Variants in GSPT1 observed in about 807,000 individuals in gnomAD.
The protein encoded by GSPT1 is eukaryotic peptide chain release factor GTP-binding subunit ERF3A.
In GSPT1, 20 loss-of-function variants were observed where a neutral mutation model predicts 72.5. The observed-to-expected ratio is 0.28, with a 90% CI of 0.19 to 0.40. GSPT1 has a LOEUF of 0.40. GSPT1 is among the 10% of genes least tolerant of loss of function. The pLI is 1.00. For synonymous variants in GSPT1, 334 were observed against 293.5 expected (o/e 1.14, Z -1.41); for missense variants, 580 against 811.9 (o/e 0.71, Z 3.47).
chr16:11,898,494 G>A (rs1367436674), intron 1 of GSPT1, among the ~76,000 whole-genome samples: 1 of 142,966 alleles, frequency 7.0e-6, no homozygotes, highest in Non-Finnish European at 1.5e-5. Flanking sequence ...TGCCCAGGCT[G>A]GAGTTGGAGT....
intron 14 of GSPT1, among the ~76,000 whole-genome samples, chr16:11,874,429 G>C (rs1241260569): frequency 7.3e-6 from 1 of 136,472 alleles, no homozygotes; most frequent in Non-Finnish European, 1.6e-5. Flanking sequence ...ATTGGGTCTT[G>C]TGGAAAACCT....
Position 11,891,189 on chromosome 16 carries a change from T to C in GSPT1, c.699-50A>G, listed in dbSNP as rs1012305420. ...AAGTAAACAATTACTCACAAATTAC[T>C]CAGTGGAATTAGGAAAACGTGAAAA... On this transcript the variant is annotated intron_variant, in intron 5 of 14. Transcript: ENST00000434724. 21 of 946,744 alleles carry C rather than the reference T, an allele frequency of 2.2e-5. No homozygotes were observed. The African/African-American group carries it at 3.5e-4, about 16-fold the overall frequency. The allele number at this position is 946,744 out of a possible 1,614,324, so 58.6% of individuals were successfully genotyped here.
intron 14 of GSPT1, among the ~76,000 whole-genome samples, chr16:11,873,952 G>A (rs1246125373): frequency 2.6e-5 from 4 of 152,226 alleles, no homozygotes; most frequent in Non-Finnish European, 5.9e-5. Context: ...TATCCACCCA[G>A]TGGAGTACTA....
rs371760334 is a variant in GSPT1, at chr16:11,896,542, T to A, written c.664+16A>T. On this transcript the variant is annotated intron_variant, in intron 4 of 14. Transcript: ENST00000434724. ...TTATGTATCCAGTAACTTTAATTGC[T>A]ATGAGAGCAGCTTACCTACGTGCCC... The A allele has an allele frequency of 2.0e-5, 29 of 1,424,424 alleles. No homozygotes were observed. The highest frequency in any genetic ancestry group is 2.8e-5 in the Non-Finnish European group (29 of 1,022,196). The allele number at this position is 1,424,424 out of a possible 1,614,324, so 88.2% of individuals were successfully genotyped here. A position where few individuals can be genotyped will look rare whatever the true frequency, so the allele number is the denominator to read the frequency against.
chr16:11,901,699 G>A (rs1015784417), intron 1 of GSPT1, among the ~76,000 whole-genome samples: 1 of 151,868 alleles, frequency 6.6e-6, no homozygotes, highest in Non-Finnish European at 1.5e-5. Context: ...AACTGAGGCA[G>A]GAGAATCGCT....
At chr16:11,889,373 C>T (rs1485327581) in intron 6 of GSPT1, among the ~76,000 whole-genome samples, 3 of 108,318 alleles carry the variant, frequency 2.8e-5, no homozygotes, top group African/African-American at 3.7e-5. Flanking sequence ...GGGAGTCTTG[C>T]TCTGGCCAGG....
chr16:11,887,828 T>A (rs891529100), intron 6 of GSPT1, 78 bp from the exon 7 acceptor site: 130 of 964,866 alleles, frequency 1.3e-4, no homozygotes, highest in Middle Eastern at 2.2e-4. Context: ...ATTAAAGATA[T>A]AATGGATGAC....
In GSPT1 at chr16:11,915,109, G is replaced by C. The variant is rs1168146678; in HGVS notation, c.352+260C>G. On this transcript the variant is annotated intron_variant, in intron 1 of 14. Coordinates refer to ENST00000434724, the MANE Select transcript of GSPT1 (RefSeq NM_002094.4). ...TGGGTAACTGCGGACTCCAGAGCAG[G>C]GCAGGGGCGCGGAGGGGCGGCACTC... The C allele has an allele frequency of 2.5e-5, 29 of 1,156,368 alleles. No homozygotes were observed. The Admixed American group carries it at 3.0e-4, about 12-fold the overall frequency. The allele number at this position is 1,156,368 out of a possible 1,614,324, so 71.6% of individuals were successfully genotyped here.
At position 11,873,167 on chromosome 16, in the gene GSPT1, C is replaced by T. The variant is rs1373723409; in HGVS notation, c.1866G>A (p.Lys622=). The stretch of plus-strand genomic sequence containing the variant: ...TCAGAACTTTTCCAATTGCAATGGT[C>T]TTACCTAGAAATGAAATTTTAAAAA... ...MGRFTLRDEG[K]TIAIGKVLKL... The change falls in exon 15 of 15, where the codon AAG becomes AAA. Residue 622 remains lysine, a synonymous_variant. Transcript: ENST00000434724. The T allele has an allele frequency of 6.4e-7, 1 of 1,558,406 alleles. No homozygotes were observed. Among genetic ancestry groups the T allele is most frequent in the South Asian group, 1.1e-5 (1 of 89,658 alleles).
chr16:11,891,112 C>A lies in GSPT1; in HGVS notation c.726G>T (p.Arg242Ser). Reference protein sequence around the residue: ...IMYLTGMVDKRTLEKYEREAK... With the variant: ...IMYLTGMVDKSTLEKYEREAK... ...CTTCTCTTTCATACTTTTCAAGCGT[C>A]CTTTTGTCAACCATTCCAGTCAAAT... The change falls in exon 6 of 15, where the codon AGG becomes AGT. Residue 242 changes from arginine (R) to serine (S), a missense_variant. Coordinates refer to ENST00000434724, the MANE Select transcript of GSPT1 (RefSeq NM_002094.4). The A allele has an allele frequency of 6.7e-7, 1 of 1,502,952 alleles. No individual in the cohort carries two copies. The highest frequency in any genetic ancestry group is 2.5e-5 in the East Asian group (1 of 40,060). The allele number at this position is 1,502,952 out of a possible 1,614,324, so 93.1% of individuals were successfully genotyped here.
At chr16:11,896,516 T>A (rs1005602913) in intron 4 of GSPT1, 42 bp downstream of exon 4, 1 of 1,077,824 alleles carries the variant, frequency 9.3e-7, no homozygotes, top group African/African-American at 1.6e-5. Context: ...TGTTCTATGT[T>A]TTATGTATCC....
intron 6 of GSPT1, 76 bp from the exon 7 acceptor site, chr16:11,887,826 T>A: frequency 4.1e-6 from 4 of 975,332 alleles, no homozygotes; most frequent in Non-Finnish European, 6.3e-6. Context: ...CCATTAAAGA[T>A]ATAATGGATG....
intron 10 of GSPT1, among the ~76,000 whole-genome samples, chr16:11,884,747 G>T (rs1248981539): frequency 1.5e-5 from 2 of 130,886 alleles, no homozygotes; most frequent in African/African-American, 6.0e-5. Context: ...CTGGGTGACA[G>T]AGTGAGACTC....
chr16:11,916,139 C>T (rs1459147052), upstream of GSPT1: 35 of 382,306 alleles, frequency 9.2e-5, 1 homozygote, highest in South Asian at 6.0e-4. Flanking sequence ...CCGCGCTACC[C>T]CGCTGCGGTT....
chr16:11,902,869 G>GA (rs1340670517), intron 1 of GSPT1, among the ~76,000 whole-genome samples: 1 of 151,940 alleles, frequency 6.6e-6, no homozygotes, highest in Non-Finnish European at 1.5e-5. Flanking sequence ...TTACAGTCAT[G>GA]AGCCACCACA....
chr16:11,895,198 G>GGCGGGCACATCA, intron 4 of GSPT1: 2 of 421,426 alleles, frequency 4.7e-6, no homozygotes, highest in Non-Finnish European at 8.9e-6. Flanking sequence ...TGGGAGGCCA[G>GGCGGGCACATCA]CGAGGGCGGA....
intron 7 of GSPT1, 178 bp from the exon 8 acceptor site, chr16:11,887,109 T>G (rs962431964): frequency 5.4e-6 from 3 of 560,742 alleles, no homozygotes; most frequent in Admixed American, 3.6e-5. Flanking sequence ...AATGTCTAGA[T>G]GCTTCCAATC....
intron 1 of GSPT1, among the ~76,000 whole-genome samples, chr16:11,910,966 A>G (rs1446849973): frequency 6.6e-6 from 1 of 152,214 alleles, no homozygotes; most frequent in African/African-American, 2.4e-5. Flanking sequence ...CCATGAAACA[A>G]GAGACAAAAA....
chr16:11,897,363 G>A (rs2054353152), intron 3 of GSPT1, among the ~76,000 whole-genome samples: 1 of 152,072 alleles, frequency 6.6e-6, no homozygotes, highest in Non-Finnish European at 1.5e-5. Flanking sequence ...GAGGTGGGTG[G>A]ATCACGAGGT....
Sources: allele counts gnomAD v4.1 joint callset (sites outside exome capture counted in the v4.1 genomes callset), GRCh38; gene constraint gnomAD v4.1.1; transcripts MANE v1.5; gene names NCBI Gene and HGNC (gene_info 2026-07-23, HGNC 2026-07-21).